Variants in TGM1 observed in about 807,000 individuals in gnomAD.
TGM1 encodes the protein protein-glutamine gamma-glutamyltransferase K.
TGM1 carries 63 observed loss-of-function variants against 88.7 expected under a neutral mutation model. That is an observed-to-expected ratio of 0.71 (90% confidence interval 0.58 to 0.88). The LOEUF is 0.88. Ranked by LOEUF, TGM1 falls within the 40% of genes least tolerant of loss-of-function variation. TGM1 has a pLI of 0.00. For synonymous variants in TGM1, 415 were observed against 431.1 expected, an observed-to-expected ratio of 0.96 and a Z score of 0.46; for missense variants, 996 against 1,118.0, an observed-to-expected ratio of 0.89 and a Z score of 1.56.
intron 14 of TGM1, among the ~76,000 whole-genome samples, chr14:24,252,749 G>A (rs542707968): frequency 7.9e-5 from 12 of 152,258 alleles, no homozygotes; most frequent in Non-Finnish European, 1.2e-4. Context: ...AGTGGGCAGG[G>A]GGTCCTCTGC....
rs376000065 is a variant in TGM1 at position 24,255,056 on chromosome 14, A to G, written c.1843T>C (p.Tyr615His). 9 of 1,614,186 alleles carry G rather than the reference A, an allele frequency of 5.6e-6. No individual in the cohort carries two copies. The highest frequency in any genetic ancestry group is 7.6e-6 in the Non-Finnish European group (9 of 1,180,042). Residue 615 changes from tyrosine to histidine, a missense_variant, in exon 12 of 15, where the codon TAC (tyrosine) becomes CAC (histidine). By Grantham distance (83) the Tyr-to-His change is moderately conservative. Coordinates refer to ENST00000206765, the MANE Select transcript of TGM1 (RefSeq NM_000359.3). The surrounding 1 kb of genome is among the most constrained non-coding windows in gnomAD (Gnocchi z 4.0). ...CCAGTATAGAAAGTGACTGAGAGGT[A>G]GAGGTGCAGTTTCACTGTGCGGCGG... ...SSRRTVKLHL[Y>H]LSVTFYTGVS...
chr14:24,258,479 C>T (rs1048153053), intron 8 of TGM1, 56 bp downstream of exon 8: 1 of 1,611,568 alleles, frequency 6.2e-7, no homozygotes, highest in Non-Finnish European at 8.5e-7. Flanking sequence ...CACCCTCCAC[C>T]TCCAAAGCTC....
In TGM1 at chr14:24,260,066, C is replaced by G. The variant is rs190706967; in HGVS notation, c.758-8G>C. On this transcript the variant is annotated splice_region_variant and splice_polypyrimidine_tract_variant and intron_variant, in intron 4 of 14. Transcript: ENST00000206765. The stretch of plus-strand genomic sequence containing the variant: ...CCACGTACACAATGTCCTCTGTGTC[C>G]CCAGAACACACAAAACTGGTTCCCT... 1 of 1,612,440 alleles carries G rather than the reference C, an allele frequency of 6.2e-7. No homozygotes were observed. Among genetic ancestry groups the G allele is most frequent in the Admixed American group, 1.7e-5 (1 of 60,022 alleles).
Position 24,261,747 on chromosome 14 carries a change from G to A in TGM1, c.456C>T (p.Leu152=), listed in dbSNP as rs1594573818. 1.9e-6 allele frequency: 3 copies of A among 1,614,110 alleles called. No homozygotes were observed. Among genetic ancestry groups the A allele is most frequent in the South Asian group, 1.1e-5 (1 of 91,082 alleles). The change falls in exon 3 of 15, where the codon CTC becomes CTT. Residue 152 remains leucine (L), a synonymous_variant. Transcript: ENST00000206765. ...RRGQPFHMLL[L]LSRTYESSDR... ...CAGAGGATTCATAGGTCCGGGACAG[G>A]AGGAGGAGCATATGGAAAGGCTGCC... is the stretch of plus-strand genomic sequence containing the variant.
At chr14:24,256,270 G>C (rs1411244581) in intron 9 of TGM1, among the ~76,000 whole-genome samples, 193 bp from the exon 10 acceptor site, 1 of 152,198 alleles carries the variant, frequency 6.6e-6, no homozygotes, top group Non-Finnish European at 1.5e-5. Context: ...TGCAACACAG[G>C]TATGGAAAAC....
At position 24,255,346 on chromosome 14, in the gene TGM1, G is replaced by T. The variant is rs182955344; in HGVS notation, c.1645+18C>A. On this transcript the variant is annotated intron_variant, in intron 11 of 14. Transcript: ENST00000206765. This position sits in a 1 kb window ranked among gnomAD's most constrained non-coding sequence, Gnocchi z 4.0. The stretch of plus-strand genomic sequence containing the variant: ...CTTGTTGTGGGGCCCAGAGCTGGCT[G>T]GGTTGGGGGAATGGTACCTTCTGGG... The T allele has an allele frequency of 1.9e-6, 3 of 1,614,228 alleles. No individual in the cohort carries two copies. Among genetic ancestry groups the T allele is most frequent in the Non-Finnish European group, 2.5e-6 (3 of 1,180,040 alleles).
At position 24,259,416 on chromosome 14, in the gene TGM1, C is replaced by T. The variant is rs560819743; in HGVS notation, c.985-167G>A. Among the ~76,000 whole-genome samples the T allele has an allele frequency of 1.8e-4, 28 of 152,358 alleles. No homozygotes were observed. Among genetic ancestry groups the T allele is most frequent in the African/African-American group, 6.7e-4 (28 of 41,578 alleles). On this transcript the variant is annotated intron_variant, in intron 6 of 14. Coordinates refer to ENST00000206765, the MANE Select transcript of TGM1 (RefSeq NM_000359.3). This position sits in a 1 kb window ranked among gnomAD's most constrained non-coding sequence, Gnocchi z 5.7. The stretch of plus-strand genomic sequence containing the variant: ...TCCACCCAGCCCTTCCCTCAGCCAT[C>T]TGCCCCCCTCCCACCCGGGCTCTGA...
In TGM1 at chr14:24,259,692, G is replaced by C; in HGVS notation, c.984+12C>G. 1 of 1,603,580 alleles carries C rather than the reference G, an allele frequency of 6.2e-7. No individual in the cohort carries two copies. Among genetic ancestry groups the C allele is most frequent in the Admixed American group, 1.7e-5 (1 of 59,280 alleles). ...CACACACAGTAGGACTCAGAGATGTGAGGGTGCTCACCATGGCAGAGATGA... is the reference window on the plus strand; with the variant it reads ...CACACACAGTAGGACTCAGAGATGTCAGGGTGCTCACCATGGCAGAGATGA... On this transcript the variant is annotated intron_variant, in intron 6 of 14. Coordinates refer to ENST00000206765, the MANE Select transcript of TGM1 (RefSeq NM_000359.3). This position sits in a 1 kb window ranked among gnomAD's most constrained non-coding sequence, Gnocchi z 5.7.
chr14:24,254,325 C>A (rs41293826), intron 13 of TGM1, 37 bp from the exon 14 acceptor site: 11 of 1,613,662 alleles, frequency 6.8e-6, no homozygotes, highest in Non-Finnish European at 9.3e-6. Context: ...ACGTCAGAGA[C>A]CCTGGCCAAA....
Position 24,261,764 on chromosome 14 carries a change from A to G in TGM1, c.439T>C (p.Phe147Leu), listed in dbSNP as rs1209273830. The G allele has an allele frequency of 6.2e-7, 1 of 1,614,096 alleles. No individual in the cohort carries two copies. Among genetic ancestry groups the G allele is most frequent in the East Asian group, 2.2e-5 (1 of 44,874 alleles). ...DELIVRRGQPFHMLLLLSRTY... is the reference protein window; with the variant it reads ...DELIVRRGQPLHMLLLLSRTY... ...CGGGACAGGAGGAGGAGCATATGGA[A>G]AGGCTGCCCGCGGCGCACTATCAGC... The change falls in exon 3 of 15, where the codon TTC becomes CTC. Residue 147 changes from phenylalanine to leucine, a missense_variant. Phe to Leu is a conservative substitution (Grantham distance 22). Transcript: ENST00000206765.
At chr14:24,249,692 A>C in intron 14 of TGM1, 151 bp from the exon 15 acceptor site, 1 of 767,196 alleles carries the variant, frequency 1.3e-6, no homozygotes, top group East Asian at 2.7e-5. Flanking sequence ...CAAGACCAGG[A>C]TCCCCAGGGC....
intron 4 of TGM1, 40 bp from the exon 5 acceptor site, chr14:24,260,098 C>G: frequency 1.3e-6 from 2 of 1,550,928 alleles, no homozygotes; most frequent in Non-Finnish European, 1.8e-6. Flanking sequence ...CCCTCCAGTT[C>G]TCTCCCTGGG....
rs58684321 is a variant in TGM1, at chr14:24,260,350, T to C, written c.757+100A>G. The C allele has an allele frequency of 4.1e-4, 638 of 1,555,332 alleles. No homozygotes were observed. The African/African-American group carries it at 7.9e-3, about 19-fold the overall frequency. ...TGCCCAATGGGAGGCTGGCTTCTCCTGGGGTCAGGCACCTAGGCACCCCGC... is the reference window on the plus strand; with the variant it reads ...TGCCCAATGGGAGGCTGGCTTCTCCCGGGGTCAGGCACCTAGGCACCCCGC... On this transcript the variant is annotated intron_variant, in intron 4 of 14. Coordinates refer to ENST00000206765, the MANE Select transcript of TGM1 (RefSeq NM_000359.3).
rs768048648 is a variant in TGM1, at chr14:24,249,476, C to T, written c.2291G>A (p.Arg764His). Residue 764 changes from arginine (R) to histidine (H), a missense_variant, in exon 15 of 15, where the codon CGC becomes CAC. Physicochemically the swap from Arg to His is conservative, Grantham distance 29 (BLOSUM62 0). Transcript: ENST00000206765. ...GCTGTCCAAGCTGGCAATGAGCTGGCGGGGGCCTGGTCGCACAGGCACAAA... is the reference window on the plus strand; with the variant it reads ...GCTGTCCAAGCTGGCAATGAGCTGGTGGGGGCCTGGTCGCACAGGCACAAA... ...QSFVPVRPGP[R>H]QLIASLDSPQ... is the part of the protein sequence containing the mutation. The T allele has an allele frequency of 1.9e-6, 3 of 1,614,048 alleles. No homozygotes were observed. Among genetic ancestry groups the T allele is most frequent in the Admixed American group, 1.7e-5 (1 of 60,018 alleles).
intron 14 of TGM1, among the ~76,000 whole-genome samples, chr14:24,251,803 C>T (rs1216146774): frequency 6.6e-6 from 1 of 152,226 alleles, no homozygotes; most frequent in Admixed American, 6.5e-5. Context: ...TGGAAAAGGG[C>T]AGTTACCCAC....
intron 4 of TGM1, 80 bp downstream of exon 4, chr14:24,260,369 AC>A: frequency 1.3e-6 from 2 of 1,585,282 alleles, no homozygotes; most frequent in Non-Finnish European, 8.6e-7. Context: ...GCACCTAGGC[AC>A]CCCGCCACAT....
In TGM1 at chr14:24,255,184, T is replaced by G. The variant is rs779289911; in HGVS notation, c.1715A>C (p.Asn572Thr). The G allele has an allele frequency of 1.1e-5, 17 of 1,614,020 alleles. No individual in the cohort carries two copies. In the East Asian group the frequency reaches 3.1e-4, roughly 30 times the overall value. Residue 572 changes from asparagine to threonine, a missense_variant, in exon 12 of 15, where the codon AAC becomes ACC. By Grantham distance (65) the Asn-to-Thr change is moderately conservative. Transcript: ENST00000206765. The surrounding 1 kb of genome is among the most constrained non-coding windows in gnomAD (Gnocchi z 4.0). Reference protein sequence around the residue: ...AHGSKPNVYANRGSAEDVAMQ... With the variant: ...AHGSKPNVYATRGSAEDVAMQ... Reference sequence around the variant, plus strand: ...GGCCACATCCTCCGCTGAGCCCCGGTTGGCATACACATTGGGTTTGCTGCC... The same window carrying G: ...GGCCACATCCTCCGCTGAGCCCCGGGTGGCATACACATTGGGTTTGCTGCC...
At chr14:24,253,068 C>T (rs560683115) in intron 14 of TGM1, among the ~76,000 whole-genome samples, 7 of 152,342 alleles carry the variant, frequency 4.6e-5, no homozygotes, top group Non-Finnish European at 1.0e-4. Context: ...TCCTCTGGAA[C>T]TGCTACTTGG....
chr14:24,256,162 C>T, intron 9 of TGM1, 85 bp from the exon 10 acceptor site: 1 of 1,141,094 alleles, frequency 8.8e-7, no homozygotes, highest in South Asian at 1.3e-5. Flanking sequence ...ACACAGGGCC[C>T]CAGCCCCACC....
Sources: gnomAD v4.1 joint callset for allele counts (sites outside exome capture counted in the v4.1 genomes callset) on GRCh38, gnomAD v4.1.1 for gene constraint, Gnocchi (gnomAD v3.1) non-coding constraint, MANE v1.5 for transcripts, NCBI Gene and HGNC (gene_info 2026-07-23, HGNC 2026-07-21) for gene names.